Variants in HGH1 observed in about 807,000 individuals in gnomAD.
The protein encoded by HGH1 is co-chaperone protein HGH1 homolog.
In HGH1, 31 loss-of-function variants were observed where a neutral mutation model predicts 31.7. That is an observed-to-expected ratio of 0.98 (90% CI 0.73 to 1.32). HGH1 has a LOEUF of 1.32. Ranked by LOEUF, HGH1 falls within the 40% of genes most tolerant of loss-of-function variation. The pLI, the probability that HGH1 is intolerant of heterozygous loss-of-function variation, is 0.00. For missense variants in HGH1, 618 were observed against 594.4 expected, an observed-to-expected ratio of 1.04 and a Z score of -0.41; for synonymous variants, 284 against 293.6, an observed-to-expected ratio of 0.97 and a Z score of 0.34.
chr8:144,139,976 C>T lies in HGH1; in HGVS notation c.*424C>T. 3.4e-6 allele frequency: 1 copy of T among 295,724 alleles called. No individual in the cohort carries two copies. The highest frequency in any genetic ancestry group is 6.5e-6 in the Non-Finnish European group (1 of 154,710). The allele number at this position is 295,724 out of a possible 1,614,324, so 18.3% of individuals were successfully genotyped here. ...AGAGGTGGGCGCATAGGTACAAGTGCTGCTTTGTCAGCCTCACTCCCTGCA... is the reference window on the plus strand; with the variant it reads ...AGAGGTGGGCGCATAGGTACAAGTGTTGCTTTGTCAGCCTCACTCCCTGCA... On this transcript the variant is annotated 3_prime_UTR_variant, in exon 6 of 6. Transcript: ENST00000347708.
intron 5 of HGH1, 23 bp downstream of exon 5, chr8:144,139,334 T>A: frequency 6.2e-7 from 1 of 1,613,892 alleles, no homozygotes; most frequent in Non-Finnish European, 8.5e-7. Context: ...TTGGAGAGGC[T>A]GGGGAAGGGG....
In HGH1 at chr8:144,137,797, C is replaced by G; in HGVS notation, c.-39C>G. 1 of 1,230,990 alleles carries G rather than the reference C, an allele frequency of 8.1e-7. No individual in the cohort carries two copies. Among genetic ancestry groups the G allele is most frequent in the Non-Finnish European group, 1.0e-6 (1 of 983,562 alleles). The allele number at this position is 1,230,990 out of a possible 1,614,324, so 76.3% of individuals were successfully genotyped here. On this transcript the variant is annotated 5_prime_UTR_variant, in exon 1 of 6. Transcript: ENST00000347708. Reference sequence around the variant, plus strand: ...CCACACAGCGGACCCCTAAGCGGACCGCTGGCACCGGTCGGGTGGCAGCAG... The same window carrying G: ...CCACACAGCGGACCCCTAAGCGGACGGCTGGCACCGGTCGGGTGGCAGCAG...
rs2130178932 is a variant in HGH1, at chr8:144,138,496, C to A, written c.594-11C>A. 6.2e-7 allele frequency: 1 copy of A among 1,607,264 alleles called. No individual in the cohort carries two copies. The highest frequency in any genetic ancestry group is 1.8e-4 in the Middle Eastern group (1 of 5,470). ...TTAGGGGGGACGGCCCTAAGTGACA[C>A]CTCCCAACAGGTGCGTGGTCCAGCG... On this transcript the variant is annotated splice_polypyrimidine_tract_variant and intron_variant, in intron 1 of 5. Coordinates refer to ENST00000347708, the MANE Select transcript of HGH1 (RefSeq NM_016458.4).
Position 144,138,443 on chromosome 8 carries a change from G to A in HGH1, c.593+15G>A. On this transcript the variant is annotated intron_variant, in intron 1 of 5. Coordinates refer to ENST00000347708, the MANE Select transcript of HGH1 (RefSeq NM_016458.4). ...GACCCCGACAGGTGAAGCCCAGGGCGCCCGCGCGGGCGGGGAGGGGACGGA... is the reference window on the plus strand; with the variant it reads ...GACCCCGACAGGTGAAGCCCAGGGCACCCGCGCGGGCGGGGAGGGGACGGA... 1 of 1,585,450 alleles carries A rather than the reference G, an allele frequency of 6.3e-7. No homozygotes were observed. Among genetic ancestry groups the A allele is most frequent in the East Asian group, 2.3e-5 (1 of 44,088 alleles).
chr8:144,138,712 C>G lies in HGH1; in HGVS notation c.695-3C>G. 6.2e-7 allele frequency: 1 copy of G among 1,613,930 alleles called. No individual in the cohort carries two copies. Among genetic ancestry groups the G allele is most frequent in the Non-Finnish European group, 8.5e-7 (1 of 1,179,844 alleles). On this transcript the variant is annotated splice_region_variant and splice_polypyrimidine_tract_variant and intron_variant, in intron 2 of 5. Coordinates refer to ENST00000347708, the MANE Select transcript of HGH1 (RefSeq NM_016458.4). ...CCGTCTCCCCACCCTCACCATCCCT[C>G]AGGACATCACGAGTGGTTGCTTGGA...
Position 144,138,200 on chromosome 8 carries a change from A to T in HGH1, c.365A>T (p.Glu122Val). The T allele has an allele frequency of 1.5e-6, 2 of 1,361,216 alleles. No individual in the cohort carries two copies. Among genetic ancestry groups the T allele is most frequent in the Non-Finnish European group, 1.9e-6 (2 of 1,064,296 alleles). The allele number at this position is 1,361,216 out of a possible 1,614,324, so 84.3% of individuals were successfully genotyped here. A position where few individuals can be genotyped will look rare whatever the true frequency, so the allele number is the denominator to read the frequency against. Residue 122 changes from glutamate to valine, a missense_variant, in exon 1 of 6, where the codon GAG becomes GTG. Physicochemically the swap from Glu to Val is moderately radical, Grantham distance 121 (BLOSUM62 -2). Transcript: ENST00000347708. The stretch of plus-strand genomic sequence containing the variant: ...TTGGACCCGCAGTGGCCCTGGGCCG[A>T]GGAGGCGGCCGCCGCGCTAGCCAAC... ...RALDPQWPWA[E>V]EAAAALANLS...
Position 144,139,461 on chromosome 8 carries a change from A to G in HGH1, c.1082A>G (p.Gln361Arg). 6.3e-7 allele frequency: 1 copy of G among 1,582,830 alleles called. No homozygotes were observed. Reference protein sequence around the residue: ...LEVQVPEDVEQQLQQLDCREQ... With the variant: ...LEVQVPEDVERQLQQLDCREQ... ...GTGCAGGTGCCTGAGGATGTGGAGC[A>G]GCAGCTGCAGCAGCTGGATTGCAGG... Residue 361 changes from glutamine (Q) to arginine (R), a missense_variant, in exon 6 of 6, where the codon CAG becomes CGG. By Grantham distance (43) the Gln-to-Arg change is conservative. Coordinates refer to ENST00000347708, the MANE Select transcript of HGH1 (RefSeq NM_016458.4).
chr8:144,138,549 C>T lies in HGH1; in HGVS notation c.636C>T (p.Asp212=), dbSNP rs1815130963. 1 of 1,612,596 alleles carries T rather than the reference C, an allele frequency of 6.2e-7. No individual in the cohort carries two copies. The highest frequency in any genetic ancestry group is 1.7e-5 in the Admixed American group (1 of 59,922). ...QRLLPLTQYP[D]SSVRRGGVVG... ...TGCTGCCCCTTACCCAGTACCCCGACTCCTCTGTACGCAGGGGCGGGGTGG... is the reference window on the plus strand; with the variant it reads ...TGCTGCCCCTTACCCAGTACCCCGATTCCTCTGTACGCAGGGGCGGGGTGG... Residue 212 remains aspartate (D), a synonymous_variant, in exon 2 of 6, where the codon GAC becomes GAT. Coordinates refer to ENST00000347708, the MANE Select transcript of HGH1 (RefSeq NM_016458.4).
In HGH1 at chr8:144,139,852, T is replaced by G; in HGVS notation, c.*300T>G. 1 of 545,332 alleles carries G rather than the reference T, an allele frequency of 1.8e-6. No individual in the cohort carries two copies. The highest frequency in any genetic ancestry group is 2.1e-5 in the South Asian group (1 of 47,802). 33.8% of individuals were successfully genotyped at this position (545,332 alleles called of 1,614,324 possible). ...GATGGCCAGGGAGCCATGAGAAGACTCTTCCTGGGCACGGCGTGGGGACTG... is the reference window on the plus strand; with the variant it reads ...GATGGCCAGGGAGCCATGAGAAGACGCTTCCTGGGCACGGCGTGGGGACTG... On this transcript the variant is annotated 3_prime_UTR_variant, in exon 6 of 6. Coordinates refer to ENST00000347708, the MANE Select transcript of HGH1 (RefSeq NM_016458.4).
rs1815114141 is a variant in HGH1 at position 144,137,821 on chromosome 8, A to G, written c.-15A>G. The G allele has an allele frequency of 1.6e-6, 2 of 1,252,030 alleles. No homozygotes were observed. The highest frequency in any genetic ancestry group is 4.2e-5 in the Admixed American group (1 of 23,732). 77.6% of individuals were successfully genotyped at this position (1,252,030 alleles called of 1,614,324 possible). ...CCGCTGGCACCGGTCGGGTGGCAGC[A>G]GAGTGTCGCTCGACATGGGGGAGGC... is the stretch of plus-strand genomic sequence containing the variant. On this transcript the variant is annotated 5_prime_UTR_variant, in exon 1 of 6. Coordinates refer to ENST00000347708, the MANE Select transcript of HGH1 (RefSeq NM_016458.4).
Position 144,138,435 on chromosome 8 carries a change from C to A in HGH1, c.593+7C>A. 6.3e-7 allele frequency: 1 copy of A among 1,586,426 alleles called. No individual in the cohort carries two copies. The highest frequency in any genetic ancestry group is 2.3e-5 in the East Asian group (1 of 44,212). On this transcript the variant is annotated splice_region_variant and intron_variant, in intron 1 of 5. Transcript: ENST00000347708. ...TCCTACTGGACCCCGACAGGTGAAG[C>A]CCAGGGCGCCCGCGCGGGCGGGGAG...
At position 144,138,408 on chromosome 8, in the gene HGH1, C is replaced by T. The variant is rs1815127902; in HGVS notation, c.573C>T (p.Ala191=). Residue 191 remains alanine (A), a synonymous_variant, in exon 1 of 6, where the codon GCC becomes GCT. Transcript: ENST00000347708. ...SNLSQRPAAR[A]FLLDPDRCVV... Reference sequence around the variant, plus strand: ...TCAGCCAACGCCCTGCGGCGCGGGCCTTCCTACTGGACCCCGACAGGTGAA... The same window carrying T: ...TCAGCCAACGCCCTGCGGCGCGGGCTTTCCTACTGGACCCCGACAGGTGAA... 2 of 1,588,552 alleles carry T rather than the reference C, an allele frequency of 1.3e-6. No individual in the cohort carries two copies. The highest frequency in any genetic ancestry group is 1.7e-6 in the Non-Finnish European group (2 of 1,176,122).
In HGH1 at chr8:144,138,612, G is replaced by A; in HGVS notation, c.694+5G>A. 1 of 1,611,760 alleles carries A rather than the reference G, an allele frequency of 6.2e-7. No homozygotes were observed. Among genetic ancestry groups the A allele is most frequent in the Non-Finnish European group, 8.5e-7 (1 of 1,178,994 alleles). ...GGAATTGCTGCTTCGAGCACCGTGA[G>A]TGGTGGGTGTGGCGGGGGTGCGTTG... On this transcript the variant is annotated splice_donor_5th_base_variant and intron_variant, in intron 2 of 5. Transcript: ENST00000347708.
chr8:144,137,988 C>A lies in HGH1; in HGVS notation c.153C>A (p.Cys51Ter). 7.6e-7 allele frequency: 1 copy of A among 1,324,028 alleles called. No homozygotes were observed. Among genetic ancestry groups the A allele is most frequent in the Non-Finnish European group, 9.6e-7 (1 of 1,038,842 alleles). 82.0% of individuals were successfully genotyped at this position (1,324,028 alleles called of 1,614,324 possible). The change falls in exon 1 of 6, where the codon TGC (cysteine) becomes TGA (stop). Residue 51 changes from cysteine (C) to a stop codon, truncating the protein, a stop_gained. Transcript: ENST00000347708. LOFTEE classifies it high-confidence loss of function. Reference protein sequence around the residue: ...AVRHVLALTGCGPGRALLAGQ... With the variant: ...AVRHVLALTG ...GGCACGTGCTGGCGCTGACTGGCTG[C>A]GGACCCGGCCGCGCGCTGTTGGCGG...
At position 144,140,323 on chromosome 8, in the gene HGH1, T is replaced by A. The variant is rs1416352527; in HGVS notation, c.*771T>A. On this transcript the variant is annotated 3_prime_UTR_variant, in exon 6 of 6. Coordinates refer to ENST00000347708, the MANE Select transcript of HGH1 (RefSeq NM_016458.4). ...GCCCAAGCTTCTCCCCCAGCCACCC[T>A]CTGCCCCTGTGGTAGAGCCCACTAT... 1.3e-5 allele frequency: 2 copies of A among 153,602 alleles called. No homozygotes were observed. The highest frequency in any genetic ancestry group is 2.9e-5 in the Non-Finnish European group (2 of 69,138). 9.5% of individuals were successfully genotyped at this position (153,602 alleles called of 1,614,324 possible).
rs1322882156 is a variant in HGH1, at chr8:144,137,928, G to A, written c.93G>A (p.Pro31=). The change falls in exon 1 of 6, where the codon CCG becomes CCA. Residue 31 remains proline (P), a synonymous_variant. Coordinates refer to ENST00000347708, the MANE Select transcript of HGH1 (RefSeq NM_016458.4). The part of the protein sequence containing the change: ...EVVKLLPFLA[P]GARADLQAAA... ...TGAAGCTGCTGCCCTTCCTGGCGCCGGGCGCGCGGGCGGACCTGCAGGCGG... is the reference window on the plus strand; with the variant it reads ...TGAAGCTGCTGCCCTTCCTGGCGCCAGGCGCGCGGGCGGACCTGCAGGCGG... The A allele has an allele frequency of 1.5e-4, 194 of 1,324,540 alleles. No individual in the cohort carries two copies. The highest frequency in any genetic ancestry group is 1.1e-4 in the Admixed American group (3 of 26,896). The allele number at this position is 1,324,540 out of a possible 1,614,324, so 82.0% of individuals were successfully genotyped here.
At position 144,139,697 on chromosome 8, in the gene HGH1, A is replaced by AATCCTTACT; in HGVS notation, c.*145_*146insATCCTTACT. On this transcript the variant is annotated 3_prime_UTR_variant, in exon 6 of 6. Coordinates refer to ENST00000347708, the MANE Select transcript of HGH1 (RefSeq NM_016458.4). ...AGAAGCAGAGCTACGCTTAGGCTCC[A>AATCCTTACT]GTAAGGATTGGAGGCACTTTCCAGC... 1 of 1,242,462 alleles carries AATCCTTACT rather than the reference A, an allele frequency of 8.0e-7. No homozygotes were observed. The highest frequency in any genetic ancestry group is 1.1e-6 in the Non-Finnish European group (1 of 906,374). The allele number at this position is 1,242,462 out of a possible 1,614,324, so 77.0% of individuals were successfully genotyped here.
intron 3 of HGH1, 51 bp from the exon 4 acceptor site, chr8:144,138,958 G>A (rs1373993532): frequency 6.9e-6 from 11 of 1,605,108 alleles, no homozygotes; most frequent in Non-Finnish European, 8.5e-6. Context: ...GCAGAGCCTG[G>A]CTCAGCTGCC....
At position 144,139,283 on chromosome 8, in the gene HGH1, T is replaced by G; in HGVS notation, c.980T>G (p.Val327Gly). 6.2e-7 allele frequency: 1 copy of G among 1,613,908 alleles called. No individual in the cohort carries two copies. The highest frequency in any genetic ancestry group is 8.5e-7 in the Non-Finnish European group (1 of 1,179,834). ...CACAGCTGGGAGCCGGAGCCCGACGTGCGGACGGCTTGTGAGAAGCTCATC... is the reference window on the plus strand; with the variant it reads ...CACAGCTGGGAGCCGGAGCCCGACGGGCGGACGGCTTGTGAGAAGCTCATC... The part of the protein sequence containing the change: ...ELHSWEPEPD[V>G]RTACEKLIQV... The change falls in exon 5 of 6, where the codon GTG (valine) becomes GGG (glycine). Residue 327 changes from valine to glycine, a missense_variant. By Grantham distance (109) the Val-to-Gly change is moderately radical. Transcript: ENST00000347708.
Sources: gnomAD v4.1 joint callset for allele counts on GRCh38, gnomAD v4.1.1 for gene constraint, MANE v1.5 for transcripts, NCBI Gene and HGNC (gene_info 2026-07-23, HGNC 2026-07-21) for gene names.